The following CNTNAP2 variants were observed in gnomAD, a reference collection of about 807,000 sequenced individuals.
CNTNAP2 encodes contactin-associated protein-like 2.
A neutral mutation model predicts 155.2 loss-of-function variants in CNTNAP2; 98 were observed. That is an observed-to-expected ratio of 0.63 (90% CI 0.54 to 0.75). The LOEUF (loss-of-function observed/expected upper bound fraction) is 0.75. Ranked by LOEUF, CNTNAP2 falls within the 30% of genes least tolerant of loss-of-function variation. The probability of loss-of-function intolerance (pLI) is 0.00; values close to 1 mark genes in which losing one functional copy is unlikely to be tolerated. For missense variants in CNTNAP2, 1,727 were observed against 1,688.1 expected (o/e 1.02, Z -0.40); for synonymous variants, 651 against 631.2 (o/e 1.03, Z -0.47).
chr7:146,826,295 G>A (rs76085799), intron 2 of CNTNAP2, among the ~76,000 whole-genome samples: 7,331 of 152,148 alleles, frequency 0.048, 512 homozygotes, highest in African/African-American at 0.16. Flanking sequence ...TAGAGACTAG[G>A]ATTTGAGAAT....
At chr7:147,184,646 A>C (rs933655482) in intron 8 of CNTNAP2, among the ~76,000 whole-genome samples, 1 of 152,130 alleles carries the variant, frequency 6.6e-6, no homozygotes, top group African/African-American at 2.4e-5. Context: ...AGCAACAAGT[A>C]CACTAAACAG....
At chr7:147,937,355 C>T (rs992148836) in intron 14 of CNTNAP2, among the ~76,000 whole-genome samples, 1 of 152,176 alleles carries the variant, frequency 6.6e-6, no homozygotes, top group Non-Finnish European at 1.5e-5. Context: ...CATCATAACA[C>T]ATTCCAAAAT....
At chr7:147,145,503 A>C (rs1352857003) in intron 8 of CNTNAP2, among the ~76,000 whole-genome samples, 1 of 152,102 alleles carries the variant, frequency 6.6e-6, no homozygotes. Context: ...CCCTGACCTG[A>C]AGGAGCTCCT....
At chr7:148,248,098 C>T (rs1471127015) in intron 20 of CNTNAP2, among the ~76,000 whole-genome samples, 1 of 152,136 alleles carries the variant, frequency 6.6e-6, no homozygotes, top group Non-Finnish European at 1.5e-5. Flanking sequence ...TCTAATATCC[C>T]AGAAGGTTCC....
At chr7:146,728,885 C>A (rs375618277) in intron 1 of CNTNAP2, among the ~76,000 whole-genome samples, 92 of 152,166 alleles carry the variant, frequency 6.0e-4, no homozygotes, top group African/African-American at 2.1e-3. Flanking sequence ...AGTGCCAGGT[C>A]GTCGTTCTCA....
chr7:147,836,586 C>A (rs1584981947), intron 13 of CNTNAP2, among the ~76,000 whole-genome samples: 1 of 152,192 alleles, frequency 6.6e-6, no homozygotes, highest in Non-Finnish European at 1.5e-5. Context: ...CACCCTTTCC[C>A]TCTTCTTCAC....
chr7:148,346,726 C>T (rs1798333121), intron 21 of CNTNAP2, among the ~76,000 whole-genome samples: 3 of 149,760 alleles, frequency 2.0e-5, no homozygotes, highest in Admixed American at 1.3e-4. Context: ...TAGCCAAGAC[C>T]GAGCCATTGC....
At chr7:147,606,836 AG>A (rs1296797540) in intron 12 of CNTNAP2, among the ~76,000 whole-genome samples, 1 of 152,196 alleles carries the variant, frequency 6.6e-6, no homozygotes, top group African/African-American at 2.4e-5. Flanking sequence ...CTGAGACCTA[AG>A]GGACTAAGCA....
chr7:147,168,110 C>A (rs1305025997), intron 8 of CNTNAP2, among the ~76,000 whole-genome samples: 2 of 148,126 alleles, frequency 1.4e-5, no homozygotes, highest in South Asian at 2.1e-4. Flanking sequence ...ATAAATATAT[C>A]TATGACATTA....
chr7:146,952,009 A>G (rs1034469851), intron 3 of CNTNAP2, among the ~76,000 whole-genome samples: 1 of 152,136 alleles, frequency 6.6e-6, no homozygotes, highest in Non-Finnish European at 1.5e-5. Flanking sequence ...TCCCTGATGA[A>G]CATCGACACA....
chr7:147,511,992 T>C (rs1457616901), intron 11 of CNTNAP2, among the ~76,000 whole-genome samples: 1 of 152,246 alleles, frequency 6.6e-6, no homozygotes, highest in Non-Finnish European at 1.5e-5. Flanking sequence ...TCGTGATGCA[T>C]GTAATTACCT....
At chr7:146,963,201 C>T (rs550152314) in intron 3 of CNTNAP2, 1 of 152,114 alleles carries the variant, frequency 6.6e-6, no homozygotes, top group Non-Finnish European at 1.5e-5. Flanking sequence ...TAAAAATGAT[C>T]GACAAAAGTT....
intron 1 of CNTNAP2, among the ~76,000 whole-genome samples, chr7:146,281,604 G>T (rs1800252751): frequency 6.6e-6 from 1 of 152,050 alleles, no homozygotes; most frequent in South Asian, 2.1e-4. Context: ...AGACCAGCCT[G>T]ATCAACATGG....
intron 1 of CNTNAP2, among the ~76,000 whole-genome samples, chr7:146,619,430 C>A (rs1319092321): frequency 6.6e-6 from 1 of 151,858 alleles, no homozygotes; most frequent in Non-Finnish European, 1.5e-5. Context: ...ATATTAACTG[C>A]CTATATGAGT....
At chr7:147,627,677 GCGAGACT>G (rs112454003) in intron 12 of CNTNAP2, among the ~76,000 whole-genome samples, 10,672 of 129,118 alleles carry the variant, frequency 0.083, 1,314 homozygotes, top group African/African-American at 0.26. Context: ...GGGGGACAGA[GCGAGACT>G]CTGTCTCAAA....
intron 1 of CNTNAP2, among the ~76,000 whole-genome samples, chr7:146,547,439 C>T (rs1339533185): frequency 6.6e-6 from 1 of 151,860 alleles, no homozygotes; most frequent in Non-Finnish European, 1.5e-5. Context: ...TTACTCCAGA[C>T]CTCCCTGATT....
At chr7:146,740,000 T>A (rs1231716909) in intron 1 of CNTNAP2, among the ~76,000 whole-genome samples, 1 of 152,236 alleles carries the variant, frequency 6.6e-6, no homozygotes, top group East Asian at 1.9e-4. Flanking sequence ...AATATATTTT[T>A]CTATTTATTC....
intron 1 of CNTNAP2, among the ~76,000 whole-genome samples, chr7:146,665,518 A>C (rs1361070681): frequency 2.6e-5 from 4 of 151,738 alleles, no homozygotes; most frequent in Non-Finnish European, 5.9e-5. Context: ...GCAGTGGCTC[A>C]TGCCTGTAAT....
At chr7:147,642,011 C>CATGTGT (rs1554416368) in intron 13 of CNTNAP2, among the ~76,000 whole-genome samples, 1 of 149,600 alleles carries the variant, frequency 6.7e-6, no homozygotes, top group South Asian at 2.1e-4. Context: ...TGTGTGTGTG[C>CATGTGT]GTGTGTGTGT....
Sources: gnomAD v4.1 joint callset for allele counts (sites outside exome capture counted in the v4.1 genomes callset) on GRCh38, gnomAD v4.1.1 for gene constraint, MANE v1.5 for transcripts, NCBI Gene and HGNC (gene_info 2026-07-23, HGNC 2026-07-21) for gene names.